The following ABCB11 variants were observed in gnomAD, a reference collection of about 807,000 sequenced individuals.
ABCB11 encodes the protein bile salt export pump.
ABCB11 carries 95 observed loss-of-function variants against 148.0 expected under a neutral mutation model. The observed-to-expected ratio is 0.64, with a 90% confidence interval of 0.54 to 0.76. The LOEUF is 0.76. Among genes scored for constraint, ABCB11 ranks in the 30% least tolerant of loss-of-function variants. The pLI is 0.00. For synonymous variants in ABCB11, 591 were observed against 555.4 expected (o/e 1.06, Z -0.90); for missense variants, 1,523 against 1,617.8 (o/e 0.94, Z 1.01).
Position 168,976,504 on chromosome 2 carries a change from C to A in ABCB11, c.1308+73G>T, listed in dbSNP as rs139594201. On this transcript the variant is annotated intron_variant, in intron 12 of 27. Transcript: ENST00000650372. Reference sequence around the variant, plus strand: ...ACAGAGTCAGGCTTCAGAAAATGAGCAATTTGTGGTTATGCAAATAAATCA... The same window carrying A: ...ACAGAGTCAGGCTTCAGAAAATGAGAAATTTGTGGTTATGCAAATAAATCA... 3,354 of 868,706 alleles carry A rather than the reference C, an allele frequency of 3.9e-3. 13 individuals carry two copies. Among genetic ancestry groups the A allele is most frequent in the Middle Eastern group, 8.6e-3 (36 of 4,194 alleles). 53.8% of individuals were successfully genotyped at this position (868,706 alleles called of 1,614,324 possible).
rs1291543665 is a variant in ABCB11 at position 168,996,502 on chromosome 2, C to G, written c.477+133G>C. On this transcript the variant is annotated intron_variant, in intron 6 of 27. Coordinates refer to ENST00000650372, the MANE Select transcript of ABCB11 (RefSeq NM_003742.4). ...TGAGAGAAGAATCCCTCTCCATTCT[C>G]TCATGTCCTCTGGAAACAGACTGTA... The G allele has an allele frequency of 4.5e-5, 20 of 449,014 alleles. 1 individual carries two copies. The East Asian group carries it at 7.3e-4, about 16-fold the overall frequency. 27.8% of individuals were successfully genotyped at this position (449,014 alleles called of 1,614,324 possible).
intron 18 of ABCB11, among the ~76,000 whole-genome samples, chr2:168,958,517 A>C (rs978453952): frequency 2.6e-5 from 4 of 151,770 alleles, no homozygotes; most frequent in African/African-American, 4.8e-5. Flanking sequence ...TTTAAAATAA[A>C]TGTCAAGGTT....
chr2:168,926,614 T>C (rs1691325082), intron 26 of ABCB11, among the ~76,000 whole-genome samples: 1 of 152,174 alleles, frequency 6.6e-6, no homozygotes, highest in South Asian at 2.1e-4. Flanking sequence ...TACAATACTT[T>C]CCAAAATTAA....
At position 168,970,203 on chromosome 2, in the gene ABCB11, G is replaced by A. The variant is rs753853173; in HGVS notation, c.1651C>T (p.Leu551Phe). 13 of 1,611,476 alleles carry A rather than the reference G, an allele frequency of 8.1e-6. No individual in the cohort carries two copies. Among genetic ancestry groups the A allele is most frequent in the Non-Finnish European group, 1.1e-5 (13 of 1,178,596 alleles). The stretch of plus-strand genomic sequence containing the variant: ...ATCTGGCCTCCTCCTTCTCCAACAA[G>A]GGTGTCAAATTGCTAGATGGAAGGT... ...IMDLPQQFDT[L>F]VGEGGGQMSG... Residue 551 changes from leucine to phenylalanine, a missense_variant, in exon 15 of 28, where the codon CTT (leucine) becomes TTT (phenylalanine). Leu to Phe is a conservative substitution (Grantham distance 22). Coordinates refer to ENST00000650372, the MANE Select transcript of ABCB11 (RefSeq NM_003742.4).
At chr2:168,976,777 C>T (rs944207760) in intron 11 of ABCB11, 90 bp from the exon 12 acceptor site, 9 of 746,452 alleles carry the variant, frequency 1.2e-5, no homozygotes, top group African/African-American at 8.6e-5. Flanking sequence ...ACATCTTTGG[C>T]GTATCTCTGC....
Position 168,922,701 on chromosome 2 carries a change from C to G in ABCB11, c.*921G>C, listed in dbSNP as rs1341050564. Among the ~76,000 whole-genome samples, 1 of 152,160 alleles carries G rather than the reference C, an allele frequency of 6.6e-6. No individual in the cohort carries two copies. The highest frequency in any genetic ancestry group is 2.4e-5 in the African/African-American group (1 of 41,412). On this transcript the variant is annotated 3_prime_UTR_variant, in exon 28 of 28. Transcript: ENST00000650372. ...ATTCCTGCCGCCTTTAGTTCTATGTCATTCTGTGGTGTTTTGAGGGAGCAG... is the reference window on the plus strand; with the variant it reads ...ATTCCTGCCGCCTTTAGTTCTATGTGATTCTGTGGTGTTTTGAGGGAGCAG...
At chr2:169,024,032 T>C (rs1015154824) in intron 1 of ABCB11, among the ~76,000 whole-genome samples, 2 of 151,892 alleles carry the variant, frequency 1.3e-5, no homozygotes, top group Non-Finnish European at 2.9e-5. Context: ...CAACACACAC[T>C]GGGGCCTATT....
intron 19 of ABCB11, among the ~76,000 whole-genome samples, chr2:168,956,230 G>A (rs999692038): frequency 6.6e-6 from 1 of 151,528 alleles, no homozygotes; most frequent in East Asian, 2.0e-4. Flanking sequence ...TAGCAAGGGG[G>A]AAATCCACCC....
At chr2:169,020,623 T>A (rs1035611306) in intron 1 of ABCB11, among the ~76,000 whole-genome samples, 3 of 151,502 alleles carry the variant, frequency 2.0e-5, no homozygotes, top group African/African-American at 7.3e-5. Flanking sequence ...GAAGACGGTC[T>A]CAAAAGACCA....
At chr2:168,952,533 C>T (rs1692612520) in intron 19 of ABCB11, among the ~76,000 whole-genome samples, 1 of 151,270 alleles carries the variant, frequency 6.6e-6, no homozygotes, top group Non-Finnish European at 1.5e-5. Flanking sequence ...CTGTGATAAT[C>T]TTTTGTATTT....
chr2:168,986,833 A>G (rs1558910059), intron 9 of ABCB11, among the ~76,000 whole-genome samples: 1 of 152,154 alleles, frequency 6.6e-6, no homozygotes, highest in Non-Finnish European at 1.5e-5. Context: ...GTGGAAGTCC[A>G]ATGCAAGGAA....
chr2:169,021,304 A>T (rs1695532831), intron 1 of ABCB11, among the ~76,000 whole-genome samples: 1 of 152,176 alleles, frequency 6.6e-6, no homozygotes, highest in Non-Finnish European at 1.5e-5. Flanking sequence ...AATTTATAAA[A>T]TCATAAAAAT....
chr2:169,000,280 A>G (rs1322582939), intron 5 of ABCB11, among the ~76,000 whole-genome samples: 1 of 152,052 alleles, frequency 6.6e-6, no homozygotes, highest in African/African-American at 2.4e-5. Context: ...TCTTAACAGG[A>G]TCTTTTACAA....
At chr2:168,942,425 C>T (rs999579782) in intron 21 of ABCB11, among the ~76,000 whole-genome samples, 4 of 150,570 alleles carry the variant, frequency 2.7e-5, no homozygotes, top group Non-Finnish European at 4.4e-5. Context: ...AAGAGAATTT[C>T]GAAGAGGAAA....
At chr2:168,950,036 A>G (rs993237859) in intron 19 of ABCB11, among the ~76,000 whole-genome samples, 3 of 151,202 alleles carry the variant, frequency 2.0e-5, no homozygotes, top group Non-Finnish European at 3.0e-5. Flanking sequence ...TCAAGCTTGC[A>G]GACAGCCTAT....
rs777104186 is a variant in ABCB11, at chr2:168,944,736, G to A, written c.2479C>T (p.Leu827=). 14 of 1,612,598 alleles carry A rather than the reference G, an allele frequency of 8.7e-6. No homozygotes were observed. In the South Asian group the frequency reaches 1.3e-4, roughly 15 times the overall value. The change falls in exon 21 of 28, where the codon CTA becomes TTA. Residue 827 remains leucine, a synonymous_variant. Coordinates refer to ENST00000650372, the MANE Select transcript of ABCB11 (RefSeq NM_003742.4). ...GYAFAKSGEL[L]TKRLRKFGFR... is the part of the protein sequence containing the mutation. ...CCAAATTTACGTAGCCTTTTTGTTA[G>A]GAGCTCCCCAGATTTAGCAAAGGCA...
chr2:168,995,614 G>T, intron 6 of ABCB11, 132 bp from the exon 7 acceptor site: 3 of 952,592 alleles, frequency 3.1e-6, no homozygotes, highest in African/African-American at 1.7e-5. Flanking sequence ...GCCTCTTCTT[G>T]GGAACTAAGA....
At chr2:168,959,487 A>G (rs1040072006) in intron 18 of ABCB11, among the ~76,000 whole-genome samples, 11 of 151,580 alleles carry the variant, frequency 7.3e-5, no homozygotes, top group African/African-American at 2.4e-4. Flanking sequence ...AGCTCTCTGG[A>G]CCTCAGTTAT....
At chr2:168,916,367 G>A (rs1223524082), downstream of ABCB11, among the ~76,000 whole-genome samples, 6 of 152,158 alleles carry the variant, frequency 3.9e-5, no homozygotes, top group African/African-American at 1.4e-4. Context: ...AGCTGGCTCT[G>A]TATTTTTTCT....
Sources: allele counts gnomAD v4.1 joint callset (sites outside exome capture counted in the v4.1 genomes callset), GRCh38; gene constraint gnomAD v4.1.1; transcripts MANE v1.5; gene names NCBI Gene and HGNC (gene_info 2026-07-23, HGNC 2026-07-21).